Variants in KCNH6 observed in about 807,000 individuals in gnomAD.
KCNH6 encodes the protein potassium voltage-gated channel subfamily H member 6.
In KCNH6, 81 loss-of-function variants were observed where a neutral mutation model predicts 83.4. That is an observed-to-expected ratio of 0.97 (90% CI 0.81 to 1.17). The LOEUF (loss-of-function observed/expected upper bound fraction) is 1.17. Among genes scored for constraint, KCNH6 ranks in the 50% most tolerant of loss-of-function variants. The pLI is 0.00. For missense variants in KCNH6, 1,203 were observed against 1,290.5 expected, an observed-to-expected ratio of 0.93 and a Z score of 1.04; for synonymous variants, 503 against 545.6, an observed-to-expected ratio of 0.92 and a Z score of 1.09.
In KCNH6 at chr17:63,530,239, C is replaced by T. The variant is rs1412457124; in HGVS notation, c.456C>T (p.Ser152=). ...TGTCCCAGCGCCTGTTGTCCCAGAGCTTCCTGGGCTCCGGTGAGGCAGAGT... is the reference window on the plus strand; with the variant it reads ...TGTCCCAGCGCCTGTTGTCCCAGAGTTTCCTGGGCTCCGGTGAGGCAGAGT... ...RSLSQRLLSQ[S]FLGSEGSHGR... is the part of the protein sequence containing the mutation. The change falls in exon 3 of 13, where the codon AGC becomes AGT. Residue 152 remains serine (S), a synonymous_variant. Transcript: ENST00000314672. 2 of 1,613,958 alleles carry T rather than the reference C, an allele frequency of 1.2e-6. No homozygotes were observed. Among genetic ancestry groups the T allele is most frequent in the African/African-American group, 1.3e-5 (1 of 74,944 alleles).
At chr17:63,544,107 C>G (rs1568088852) in intron 10 of KCNH6, 142 bp from the exon 11 acceptor site, 1 of 1,608,222 alleles carries the variant, frequency 6.2e-7, no homozygotes, top group Admixed American at 1.7e-5. Flanking sequence ...ACCTTGTGCT[C>G]CAGGGCACCC....
At chr17:63,544,892 A>G (rs994206513) in intron 11 of KCNH6, among the ~76,000 whole-genome samples, 186 bp from the exon 12 acceptor site, 1 of 152,112 alleles carries the variant, frequency 6.6e-6, no homozygotes. Flanking sequence ...GGTGTTGTTA[A>G]GAGTCAGGGG....
Position 63,539,382 on chromosome 17 carries a change from T to C in KCNH6, c.1954+720T>C, listed in dbSNP as rs1167407874. Among the ~76,000 whole-genome samples, 3 of 152,038 alleles carry C rather than the reference T, an allele frequency of 2.0e-5. No individual in the cohort carries two copies. In the East Asian group the frequency reaches 5.8e-4, roughly 29 times the overall value. On this transcript the variant is annotated intron_variant, in intron 8 of 12. Transcript: ENST00000314672. ...GGTGATCTGCTCTCCTCGCCCCTCCTCACCTGACACCCTCCCCTGGGCCTG... is the reference window on the plus strand; with the variant it reads ...GGTGATCTGCTCTCCTCGCCCCTCCCCACCTGACACCCTCCCCTGGGCCTG...
Position 63,538,506 on chromosome 17 carries a change from A to G in KCNH6, c.1798A>G (p.Lys600Glu), listed in dbSNP as rs745960511. 1.9e-6 allele frequency: 3 copies of G among 1,603,814 alleles called. No homozygotes were observed. Among genetic ancestry groups the G allele is most frequent in the Non-Finnish European group, 1.7e-6 (2 of 1,175,802 alleles). ...QHCPAFSGAGKGCLRALAVKF... is the reference protein window; with the variant it reads ...QHCPAFSGAGEGCLRALAVKF... ...CTGCCCAGCTTTCAGCGGCGCCGGC[A>G]AGGGCTGCCTGCGCGCGCTAGCCGT... Residue 600 changes from lysine (K) to glutamate (E), a missense_variant, in exon 8 of 13, where the codon AAG becomes GAG. Transcript: ENST00000314672. The surrounding 1 kb of genome is among the most constrained non-coding windows in gnomAD (Gnocchi z 4.0).
In KCNH6 at chr17:63,539,810, A is replaced by G. The variant is rs545928865; in HGVS notation, c.1954+1148A>G. On this transcript the variant is annotated intron_variant, in intron 8 of 12. Transcript: ENST00000314672. ...ATGGCCCTGCGTCTGGTTTACTCCCATGCCTGTCTTCCACCTTCTGCCAGT... is the reference window on the plus strand; with the variant it reads ...ATGGCCCTGCGTCTGGTTTACTCCCGTGCCTGTCTTCCACCTTCTGCCAGT... 4.6e-5 allele frequency among the ~76,000 whole-genome samples: 7 copies of G among 152,202 alleles called. No individual in the cohort carries two copies. The South Asian group carries it at 1.5e-3, about 32-fold the overall frequency.
At chr17:63,544,136 C>T in intron 10 of KCNH6, 113 bp from the exon 11 acceptor site, 1 of 1,602,952 alleles carries the variant, frequency 6.2e-7, no homozygotes, top group Non-Finnish European at 8.5e-7. Flanking sequence ...AGAGCCACTC[C>T]TCACACCCTG....
In KCNH6 at chr17:63,545,777, G is replaced by T; in HGVS notation, c.2752G>T (p.Val918Leu). The T allele has an allele frequency of 6.2e-7, 1 of 1,614,180 alleles. No individual in the cohort carries two copies. Among genetic ancestry groups the T allele is most frequent in the Non-Finnish European group, 8.5e-7 (1 of 1,180,054 alleles). ...PLASPLHPLE[V>L]QGLICGPCFS... Reference sequence around the variant, plus strand: ...AGCCTCACCTCTACATCCCCTGGAAGTACAAGGACTCATCTGTGGTCCCTG... The same window carrying T: ...AGCCTCACCTCTACATCCCCTGGAATTACAAGGACTCATCTGTGGTCCCTG... The change falls in exon 13 of 13, where the codon GTA becomes TTA. Residue 918 changes from valine to leucine, a missense_variant. Val to Leu is a conservative substitution (Grantham distance 32). Transcript: ENST00000314672.
In KCNH6 at chr17:63,538,149, T is replaced by C. The variant is rs1306294065; in HGVS notation, c.1586T>C (p.Met529Thr). Reference sequence around the variant, plus strand: ...GGCACCGCGCGCTACCACACGCAGATGCTGCGTGTCAAGGAGTTCATCCGC... The same window carrying C: ...GGCACCGCGCGCTACCACACGCAGACGCTGCGTGTCAAGGAGTTCATCCGC... ...YSGTARYHTQ[M>T]LRVKEFIRFH... The change falls in exon 7 of 13, where the codon ATG becomes ACG. Residue 529 changes from methionine (M) to threonine (T), a missense_variant. Transcript: ENST00000314672. The surrounding 1 kb of genome is among the most constrained non-coding windows in gnomAD (Gnocchi z 4.0). The C allele has an allele frequency of 6.2e-7, 1 of 1,613,998 alleles. No homozygotes were observed. The highest frequency in any genetic ancestry group is 8.5e-7 in the Non-Finnish European group (1 of 1,179,864).
rs769884893 is a variant in KCNH6 at position 63,542,208 on chromosome 17, C to T, written c.1955-33C>T. 6 of 1,607,192 alleles carry T rather than the reference C, an allele frequency of 3.7e-6. No homozygotes were observed. In the South Asian group the frequency reaches 6.6e-5, roughly 18 times the overall value. ...CCTCATAAGGGAGCATGGAGTCAGA[C>T]CCTGAAGAGACTCCCACCCCTCTGG... On this transcript the variant is annotated intron_variant, in intron 8 of 12. Transcript: ENST00000314672.
At chr17:63,544,973 G>A (rs939061721) in intron 11 of KCNH6, 105 bp from the exon 12 acceptor site, 12 of 1,144,256 alleles carry the variant, frequency 1.0e-5, no homozygotes, top group Admixed American at 1.8e-5. Flanking sequence ...GCCCCAGGCC[G>A]CCATTCCATC....
At chr17:63,541,320 G>C (rs895571927) in intron 8 of KCNH6, among the ~76,000 whole-genome samples, 1 of 129,826 alleles carries the variant, frequency 7.7e-6, no homozygotes, top group Non-Finnish European at 1.6e-5. Flanking sequence ...ATGGAGTCTC[G>C]CTCTGTCACC....
Position 63,525,184 on chromosome 17 carries a change from G to A in KCNH6, c.307+815G>A, listed in dbSNP as rs367867498. On this transcript the variant is annotated intron_variant, in intron 2 of 12. Coordinates refer to ENST00000314672, the MANE Select transcript of KCNH6 (RefSeq NM_001278919.2). ...AGGTGTGAGATGAGGCCAAGCGGGT[G>A]TATTTGGAAATATCTCCCTGGTGGT... Among the ~76,000 whole-genome samples the A allele has an allele frequency of 5.9e-5, 9 of 152,358 alleles. No homozygotes were observed. In the South Asian group the frequency reaches 6.2e-4, roughly 11 times the overall value.
In KCNH6 at chr17:63,545,605, C is replaced by T; in HGVS notation, c.2584-4C>T. On this transcript the variant is annotated splice_region_variant and splice_polypyrimidine_tract_variant and intron_variant, in intron 12 of 12. Coordinates refer to ENST00000314672, the MANE Select transcript of KCNH6 (RefSeq NM_001278919.2). Reference sequence around the variant, plus strand: ...GGTGCATCCCTCTTTCTTGCTCCTCCCAGACCCCAAGCTATGGAGACTTGG... The same window carrying T: ...GGTGCATCCCTCTTTCTTGCTCCTCTCAGACCCCAAGCTATGGAGACTTGG... 6.2e-7 allele frequency: 1 copy of T among 1,611,194 alleles called. No individual in the cohort carries two copies. Among genetic ancestry groups the T allele is most frequent in the East Asian group, 2.2e-5 (1 of 44,834 alleles).
At position 63,538,020 on chromosome 17, in the gene KCNH6, G is replaced by T; in HGVS notation, c.1502-45G>T. 1 of 1,584,396 alleles carries T rather than the reference G, an allele frequency of 6.3e-7. No individual in the cohort carries two copies. Among genetic ancestry groups the T allele is most frequent in the Admixed American group, 1.7e-5 (1 of 58,988 alleles). On this transcript the variant is annotated intron_variant, in intron 6 of 12. Transcript: ENST00000314672. The surrounding 1 kb of genome is among the most constrained non-coding windows in gnomAD (Gnocchi z 4.0). ...ACCTGGGTAAGCCCTTGGTGGTGTGGCCCAGTGGGGCCGCGGAGGAGCTCA... is the reference window on the plus strand; with the variant it reads ...ACCTGGGTAAGCCCTTGGTGGTGTGTCCCAGTGGGGCCGCGGAGGAGCTCA...
chr17:63,538,181 C>T lies in KCNH6; in HGVS notation c.1618C>T (p.Gln540Ter), dbSNP rs2032627889. 3 of 1,614,176 alleles carry T rather than the reference C, an allele frequency of 1.9e-6. No individual in the cohort carries two copies. The highest frequency in any genetic ancestry group is 2.5e-6 in the Non-Finnish European group (3 of 1,179,990). ...TGTCAAGGAGTTCATCCGCTTCCAC[C>T]AGATCCCCAACCCACTGCGCCAGCG... Reference protein sequence around the residue: ...LRVKEFIRFHQIPNPLRQRLE... With the variant: ...LRVKEFIRFH Residue 540 changes from glutamine to a stop codon, truncating the protein, a stop_gained, in exon 7 of 13, where the codon CAG (glutamine) becomes TAG (stop). Transcript: ENST00000314672. LOFTEE classifies it high-confidence loss of function. This position sits in a 1 kb window ranked among gnomAD's most constrained non-coding sequence, Gnocchi z 4.0.
Position 63,523,408 on chromosome 17 carries a change from C to T in KCNH6, c.-6C>T, listed in dbSNP as rs1420390065. 2 of 1,589,630 alleles carry T rather than the reference C, an allele frequency of 1.3e-6. No homozygotes were observed. Reference sequence around the variant, plus strand: ...TGTGGCTCCGGGCAGGGGCCGCGGCCGAAAGATGCCGGTCCGCAGGGGCCA... The same window carrying T: ...TGTGGCTCCGGGCAGGGGCCGCGGCTGAAAGATGCCGGTCCGCAGGGGCCA... On this transcript the variant is annotated 5_prime_UTR_variant, in exon 1 of 13. Transcript: ENST00000314672. The surrounding 1 kb of genome is among the most constrained non-coding windows in gnomAD (Gnocchi z 4.2).
chr17:63,544,999 G>A (rs145462977), intron 11 of KCNH6, 79 bp from the exon 12 acceptor site: 26 of 1,405,396 alleles, frequency 1.9e-5, no homozygotes, highest in South Asian at 7.0e-5. Context: ...GGAACAGCAC[G>A]CAGGCTACAA....
rs761650227 is a variant in KCNH6 at position 63,545,895 on chromosome 17, G to T, written c.2870G>T (p.Gly957Val). ...GATCCTGGATTTGCAGGGAGTTGGG[G>T]CCACTGAACTCCAAGATAAAGACAC... ...GSDPGFAGSW[G>V]H The change falls in exon 13 of 13, where the codon GGC (glycine) becomes GTC (valine). Residue 957 changes from glycine to valine, a missense_variant. Transcript: ENST00000314672. The T allele has an allele frequency of 6.2e-7, 1 of 1,613,618 alleles. No individual in the cohort carries two copies. Among genetic ancestry groups the T allele is most frequent in the Non-Finnish European group, 8.5e-7 (1 of 1,179,838 alleles).
In KCNH6 at chr17:63,524,212, A is replaced by T; in HGVS notation, c.150A>T (p.Glu50Asp). 1.9e-6 allele frequency: 3 copies of T among 1,613,936 alleles called. No homozygotes were observed. The highest frequency in any genetic ancestry group is 2.5e-6 in the Non-Finnish European group (3 of 1,179,968). ...AIIYCNDGFCELFGYSRVEVM... is the reference protein window; with the variant it reads ...AIIYCNDGFCDLFGYSRVEVM... ...TTTACTGCAACGACGGCTTCTGCGA[A>T]CTCTTCGGCTACTCCCGAGTGGAGG... Residue 50 changes from glutamate (E) to aspartate (D), a missense_variant, in exon 2 of 13, where the codon GAA becomes GAT. Glu to Asp is a conservative substitution (Grantham distance 45). Transcript: ENST00000314672.
Sources: gnomAD v4.1 joint callset for allele counts (sites outside exome capture counted in the v4.1 genomes callset) on GRCh38, gnomAD v4.1.1 for gene constraint, Gnocchi (gnomAD v3.1) non-coding constraint, MANE v1.5 for transcripts, NCBI Gene and HGNC (gene_info 2026-07-23, HGNC 2026-07-21) for gene names.